ASIC2: variants seen among roughly 807,000 people sequenced by gnomAD.
The protein encoded by ASIC2 is acid-sensing ion channel 2.
A neutral mutation model predicts 57.3 loss-of-function variants in ASIC2; 25 were observed. The ratio of observed to expected loss-of-function variants is 0.44; its 90% CI spans 0.32 to 0.61. The LOEUF is 0.61. ASIC2 is among the 20% of genes least tolerant of loss of function. The probability of loss-of-function intolerance (pLI) is 0.06; values close to 1 mark genes in which losing one functional copy is unlikely to be tolerated. For synonymous variants in ASIC2, 319 were observed against 307.5 expected (o/e 1.04, Z -0.39); for missense variants, 641 against 738.1 (o/e 0.87, Z 1.52).
intron 1 of ASIC2, among the ~76,000 whole-genome samples, chr17:33,567,719 C>G (rs564555605): frequency 7.2e-5 from 11 of 152,166 alleles, no homozygotes; most frequent in African/African-American, 2.4e-4. Context: ...CATGGAGGCA[C>G]CTTTTACTGA....
chr17:33,295,409 C>G (rs1905683931), upstream of ASIC2, among the ~76,000 whole-genome samples: 2 of 152,232 alleles, frequency 1.3e-5, no homozygotes, highest in South Asian at 4.1e-4. Context: ...ACTTGAAATA[C>G]TCCCACCCTC....
chr17:33,701,808 C>T (rs1481917982), intron 1 of ASIC2, among the ~76,000 whole-genome samples: 1 of 152,174 alleles, frequency 6.6e-6, no homozygotes, highest in Non-Finnish European at 1.5e-5. Flanking sequence ...CAGGCTTCTC[C>T]CATCAATGTC....
At chr17:33,970,002 G>T (rs1484600654) in intron 1 of ASIC2, among the ~76,000 whole-genome samples, 1 of 152,158 alleles carries the variant, frequency 6.6e-6, no homozygotes, top group Non-Finnish European at 1.5e-5. Context: ...GTACCATTAG[G>T]ATCTAGCAAT....
intron 1 of ASIC2, among the ~76,000 whole-genome samples, chr17:33,362,345 G>T (rs1908643640): frequency 6.6e-6 from 1 of 152,216 alleles, no homozygotes; most frequent in South Asian, 2.1e-4. Flanking sequence ...GTGGAGGGTG[G>T]TGCAGCTCTT....
chr17:33,854,983 G>A, intron 1 of ASIC2, among the ~76,000 whole-genome samples: 1 of 152,196 alleles, frequency 6.6e-6, no homozygotes, highest in East Asian at 1.9e-4. Context: ...GCTCCTGCTA[G>A]GGGCCAACTG....
chr17:33,818,495 C>T (rs895082698), intron 1 of ASIC2, among the ~76,000 whole-genome samples: 11 of 152,160 alleles, frequency 7.2e-5, no homozygotes, highest in Admixed American at 1.3e-4. Context: ...CTATGTGGCT[C>T]TGAAGCGGTG....
intron 1 of ASIC2, among the ~76,000 whole-genome samples, chr17:33,897,667 AG>A (rs1915128620): frequency 6.6e-6 from 1 of 152,240 alleles, no homozygotes; most frequent in African/African-American, 2.4e-5. Context: ...TATCCCTGGA[AG>A]GCTACATACT....
At chr17:33,321,325 G>A (rs993650074) in intron 1 of ASIC2, among the ~76,000 whole-genome samples, 7 of 152,170 alleles carry the variant, frequency 4.6e-5, no homozygotes, top group African/African-American at 1.7e-4. Context: ...TTCTTAGCAT[G>A]TTAAAGATAG....
chr17:33,042,897 A>G (rs770172016), intron 3 of ASIC2, among the ~76,000 whole-genome samples: 2 of 152,074 alleles, frequency 1.3e-5, no homozygotes, highest in Non-Finnish European at 2.9e-5. Flanking sequence ...CTTAGTTCTC[A>G]CAACAACCTT....
Position 34,133,246 on chromosome 17 carries a change from G to T in ASIC2, c.555+22732C>A, listed in dbSNP as rs1372742851. 2.7e-5 allele frequency among the ~76,000 whole-genome samples: 4 copies of T among 150,398 alleles called. No individual in the cohort carries two copies. In the South Asian group the frequency reaches 8.5e-4, roughly 32 times the overall value. On this transcript the variant is annotated intron_variant, in intron 1 of 9. Transcript: ENST00000359872. Reference sequence around the variant, plus strand: ...AACTCAGATTTCTTTGCCTTCAAGCGTCTTTCTTTTTCTTGGTTATTTTCT... The same window carrying T: ...AACTCAGATTTCTTTGCCTTCAAGCTTCTTTCTTTTTCTTGGTTATTTTCT...
At chr17:33,232,423 T>C (rs1266158831) in intron 1 of ASIC2, among the ~76,000 whole-genome samples, 1 of 147,840 alleles carries the variant, frequency 6.8e-6, no homozygotes, top group Non-Finnish European at 1.5e-5. Context: ...TGGTATGGTA[T>C]GGTATGGTAT....
At chr17:33,788,014 G>A (rs1171187706) in intron 1 of ASIC2, among the ~76,000 whole-genome samples, 3 of 152,146 alleles carry the variant, frequency 2.0e-5, no homozygotes, top group Admixed American at 2.0e-4. Context: ...AAGACTTCAT[G>A]ACAAAAACAC....
At chr17:33,742,437 G>C (rs564835858) in intron 1 of ASIC2, among the ~76,000 whole-genome samples, 2 of 152,098 alleles carry the variant, frequency 1.3e-5, no homozygotes, top group Non-Finnish European at 2.9e-5. Flanking sequence ...CACTGTGTTC[G>C]CTCTTGCTGG....
chr17:33,450,313 T>G (rs1912200270), intron 1 of ASIC2, among the ~76,000 whole-genome samples: 1 of 152,234 alleles, frequency 6.6e-6, no homozygotes, highest in Non-Finnish European at 1.5e-5. Context: ...GAATGCATTT[T>G]CCTCTTCTTT....
At chr17:33,204,598 C>A (rs1262764110) in intron 1 of ASIC2, among the ~76,000 whole-genome samples, 1 of 152,196 alleles carries the variant, frequency 6.6e-6, no homozygotes, top group Non-Finnish European at 1.5e-5. Flanking sequence ...AAAGTGGCAA[C>A]CATGAGTAAG....
chr17:33,841,410 C>T (rs1913432704), intron 1 of ASIC2, among the ~76,000 whole-genome samples: 1 of 152,088 alleles, frequency 6.6e-6, no homozygotes, highest in South Asian at 2.1e-4. Context: ...GGCTTTAAGC[C>T]TAAAGTGCTG....
At chr17:33,712,635 GCTTTTT>G (rs1909078392) in intron 1 of ASIC2, among the ~76,000 whole-genome samples, 3 of 123,320 alleles carry the variant, frequency 2.4e-5, no homozygotes, top group African/African-American at 9.7e-5. Context: ...TACTCATATG[GCTTTTT>G]TTTTTTTTTT....
chr17:34,029,608 C>A (rs1034261205), intron 1 of ASIC2, among the ~76,000 whole-genome samples: 3 of 152,098 alleles, frequency 2.0e-5, no homozygotes, highest in Non-Finnish European at 4.4e-5. Context: ...TAAATGAGGT[C>A]ATACCAGTAA....
intron 1 of ASIC2, among the ~76,000 whole-genome samples, chr17:33,979,480 A>G (rs561298811): frequency 6.6e-6 from 1 of 152,214 alleles, no homozygotes; most frequent in Admixed American, 6.5e-5. Flanking sequence ...TAAGAAATCC[A>G]GAAAAGTCAT....
Sources: gnomAD v4.1 joint callset for allele counts (sites outside exome capture counted in the v4.1 genomes callset) on GRCh38, gnomAD v4.1.1 for gene constraint, MANE v1.5 for transcripts, NCBI Gene and HGNC (gene_info 2026-07-23, HGNC 2026-07-21) for gene names.